ZNF730: variants seen among roughly 807,000 people sequenced by gnomAD.
The protein encoded by ZNF730 is putative zinc finger protein 730.
Under a neutral mutation model 12.6 loss-of-function variants are expected in ZNF730, and 12 were observed. That is an observed-to-expected ratio of 0.95 (90% confidence interval 0.61 to 1.54). ZNF730 has a LOEUF of 1.54. Among genes scored for constraint, ZNF730 ranks in the 40% most tolerant of loss-of-function variants. The pLI is 0.00. For synonymous variants in ZNF730, 194 were observed against 195.8 expected, an observed-to-expected ratio of 0.99 and a Z score of 0.08; for missense variants, 643 against 583.5, an observed-to-expected ratio of 1.10 and a Z score of -1.05.
chr19:23,090,082 C>T lies in ZNF730; in HGVS notation c.-94+14695C>T, dbSNP rs367914391. Among the ~76,000 whole-genome samples the T allele has an allele frequency of 3.9e-5, 6 of 152,232 alleles. No homozygotes were observed. The South Asian group carries it at 1.2e-3, about 32-fold the overall frequency. ...CCAACATGGTGAAACCCTGTCTCTA[C>T]TAAAAATACAAAAATCAGCTGGGTG... On this transcript the variant is annotated intron_variant, in intron 1 of 2. Transcript: ENST00000593635.
At chr19:23,129,498 G>T (rs535937316) in intron 1 of ZNF730, among the ~76,000 whole-genome samples, 66 of 151,742 alleles carry the variant, frequency 4.3e-4, no homozygotes, top group Non-Finnish European at 8.7e-4. Flanking sequence ...TTTTGGACTC[G>T]CATGGGGCCA....
intron 1 of ZNF730, among the ~76,000 whole-genome samples, chr19:23,083,598 T>G (rs1366433649): frequency 5.3e-5 from 8 of 151,916 alleles, no homozygotes; most frequent in Non-Finnish European, 7.4e-5. Flanking sequence ...AGTGCTTGTT[T>G]TTTTTTTTTT....
chr19:23,117,168 C>A lies in ZNF730; in HGVS notation c.-6C>A. Reference sequence around the variant, plus strand: ...TAAGACGCCAGGGCCCCCTGGAAGCCTAGAAATGGTGAGAGTGCCGGTCCG... The same window carrying A: ...TAAGACGCCAGGGCCCCCTGGAAGCATAGAAATGGTGAGAGTGCCGGTCCG... On this transcript the variant is annotated 5_prime_UTR_variant, in exon 1 of 4. Transcript: ENST00000597761. 5 of 1,613,934 alleles carry A rather than the reference C, an allele frequency of 3.1e-6. No individual in the cohort carries two copies. In the Admixed American group the frequency reaches 8.3e-5, roughly 27 times the overall value.
intron 3 of ZNF730, among the ~76,000 whole-genome samples, chr19:23,140,559 C>T (rs1352973283): frequency 6.9e-6 from 1 of 145,814 alleles, no homozygotes; most frequent in African/African-American, 2.5e-5. Flanking sequence ...TGCAGTGAGC[C>T]AAAGTAGCGC....
intron 1 of ZNF730, among the ~76,000 whole-genome samples, chr19:23,077,799 TAA>T (rs558264373): frequency 2.5e-4 from 38 of 152,084 alleles, no homozygotes; most frequent in Non-Finnish European, 4.4e-4. Flanking sequence ...GAAGTAGGCA[TAA>T]GAGACTCCAT....
At chr19:23,114,599 G>A (rs372269109), upstream of ZNF730, among the ~76,000 whole-genome samples, 28 of 151,806 alleles carry the variant, frequency 1.8e-4, no homozygotes, top group Middle Eastern at 6.8e-3. Flanking sequence ...TGATCCGCCC[G>A]CCTCGGCCTC....
intron 1 of ZNF730, chr19:23,126,572 T>C (rs1970670583): frequency 2.3e-6 from 1 of 433,628 alleles, no homozygotes; most frequent in African/African-American, 2.1e-5. Context: ...ATGTGGCTTA[T>C]GTGTCTCCGT....
chr19:23,129,336 G>A (rs560641248), intron 1 of ZNF730, among the ~76,000 whole-genome samples: 136 of 152,264 alleles, frequency 8.9e-4, no homozygotes, highest in African/African-American at 3.1e-3. Flanking sequence ...GCCCATGAAG[G>A]TGGCCAGGAG....
At chr19:23,105,313 A>G (rs1970380900) in intron 1 of ZNF730, among the ~76,000 whole-genome samples, 1 of 151,862 alleles carries the variant, frequency 6.6e-6, no homozygotes, top group Admixed American at 6.6e-5. Flanking sequence ...GACAGGATTT[A>G]GCCATCTTGG....
At chr19:23,145,187 T>C (rs949940418) in intron 3 of ZNF730, 84 bp from the exon 4 acceptor site, 3 of 931,362 alleles carry the variant, frequency 3.2e-6, no homozygotes, top group African/African-American at 3.4e-5. Context: ...TCTTGTTATG[T>C]AGTTTGTATA....
At chr19:23,116,365 T>A (rs1970523060), upstream of ZNF730, among the ~76,000 whole-genome samples, 1 of 144,556 alleles carries the variant, frequency 6.9e-6, no homozygotes, top group Non-Finnish European at 1.5e-5. Flanking sequence ...TTTCTTTCTC[T>A]CTTTTCTTTC....
At chr19:23,078,486 A>G (rs1969906234) in intron 1 of ZNF730, among the ~76,000 whole-genome samples, 1 of 152,106 alleles carries the variant, frequency 6.6e-6, no homozygotes, top group Non-Finnish European at 1.5e-5. Context: ...TGTTTATGAC[A>G]CAGAGATATT....
At chr19:23,090,006 G>A (rs965610016) in intron 1 of ZNF730, among the ~76,000 whole-genome samples, 1 of 152,194 alleles carries the variant, frequency 6.6e-6, no homozygotes, top group East Asian at 1.9e-4. Flanking sequence ...CCAGCACTTT[G>A]AGAGGCTGAG....
chr19:23,127,218 T>C, intron 1 of ZNF730: 1 of 612,262 alleles, frequency 1.6e-6, no homozygotes, highest in Non-Finnish European at 3.1e-6. Flanking sequence ...CATCTGCTGA[T>C]TTAACCATGT....
chr19:23,134,300 C>G lies in ZNF730; in HGVS notation c.130+94C>G, dbSNP rs1319298027. ...GTGCTTTCAGATCCCGGGTTTTTTT[C>G]TTTTTCTTTTTCTTTTTTTTTTTAA... On this transcript the variant is annotated intron_variant, in intron 2 of 3. Coordinates refer to ENST00000597761, the MANE Select transcript of ZNF730 (RefSeq NM_001277403.2). 4.6e-6 allele frequency: 5 copies of G among 1,078,402 alleles called. No homozygotes were observed. In the East Asian group the frequency reaches 1.5e-4, roughly 31 times the overall value. 66.8% of individuals were successfully genotyped at this position (1,078,402 alleles called of 1,614,324 possible).
chr19:23,110,279 A>G (rs1055974236), intron 1 of ZNF730, among the ~76,000 whole-genome samples: 2 of 122,912 alleles, frequency 1.6e-5, no homozygotes, highest in Non-Finnish European at 3.3e-5. Context: ...CCTCTTTATA[A>G]CCATTTTTTT....
chr19:23,127,386 A>AT (rs1271333065), intron 1 of ZNF730: 26 of 809,024 alleles, frequency 3.2e-5, no homozygotes, highest in Non-Finnish European at 5.0e-5. Context: ...GTGTTCTTGG[A>AT]TATTCCCAAA....
At chr19:23,106,854 GT>G (rs1461055232) in intron 1 of ZNF730, among the ~76,000 whole-genome samples, 2 of 151,178 alleles carry the variant, frequency 1.3e-5, no homozygotes, top group Non-Finnish European at 2.9e-5. Flanking sequence ...GAAAAACAGT[GT>G]TTTGATTGAA....
At chr19:23,101,651 C>T (rs1304397096) in intron 1 of ZNF730, among the ~76,000 whole-genome samples, 1 of 147,020 alleles carries the variant, frequency 6.8e-6, no homozygotes, top group Admixed American at 6.7e-5. Context: ...CTCACTGCAA[C>T]CTCTGCCTCC....
Sources: gnomAD v4.1 joint callset for allele counts (sites outside exome capture counted in the v4.1 genomes callset) on GRCh38, gnomAD v4.1.1 for gene constraint, MANE v1.5 for transcripts, NCBI Gene and HGNC (gene_info 2026-07-23, HGNC 2026-07-21) for gene names.